Variants in ZC3H7A observed in about 807,000 individuals in gnomAD.
ZC3H7A encodes zinc finger CCCH-type containing 7A.
In ZC3H7A, 44 loss-of-function variants were observed where a neutral mutation model predicts 125.5. That is an observed-to-expected ratio of 0.35 (90% CI 0.28 to 0.45). The LOEUF (loss-of-function observed/expected upper bound fraction) is 0.45, where lower values mean the gene tolerates loss of function less well. Ranked by LOEUF, ZC3H7A falls within the 20% of genes least tolerant of loss-of-function variation. The pLI, the probability that ZC3H7A is intolerant of heterozygous loss-of-function variation, is 1.00. For synonymous variants in ZC3H7A, 399 were observed against 391.2 expected, an observed-to-expected ratio of 1.02 and a Z score of -0.23; for missense variants, 977 against 1,170.7, an observed-to-expected ratio of 0.83 and a Z score of 2.41.
intron 15 of ZC3H7A, among the ~76,000 whole-genome samples, chr16:11,763,917 CCT>C (rs1367543789): frequency 6.6e-6 from 1 of 150,730 alleles, no homozygotes; most frequent in African/African-American, 2.4e-5. Flanking sequence ...CATTCTCCTG[CCT>C]CAGCCTCCTA....
At chr16:11,769,710 CAAAAA>C (rs529124830) in intron 10 of ZC3H7A, among the ~76,000 whole-genome samples, 9 of 32,558 alleles carry the variant, frequency 2.8e-4, no homozygotes, top group African/African-American at 1.5e-3. Context: ...GACTCTGTCT[CAAAAA>C]AAAAAAAAAA....
In ZC3H7A at chr16:11,751,282, G is replaced by T. The variant is rs1420236869; in HGVS notation, c.*35C>A. ...AACACTTTCAATTTTTCTGGTCAAT[G>T]CTCTGATTAGGTATCATACATAAAA... On this transcript the variant is annotated 3_prime_UTR_variant, in exon 23 of 23. Transcript: ENST00000355758. 1 of 1,571,118 alleles carries T rather than the reference G, an allele frequency of 6.4e-7. No homozygotes were observed. Among genetic ancestry groups the T allele is most frequent in the Non-Finnish European group, 8.6e-7 (1 of 1,157,832 alleles).
chr16:11,761,295 T>C (rs1463605514), intron 19 of ZC3H7A, 111 bp downstream of exon 19: 3 of 1,023,938 alleles, frequency 2.9e-6, no homozygotes, highest in East Asian at 2.4e-5. Flanking sequence ...AATAGCATTA[T>C]TACTGACGAA....
intron 1 of ZC3H7A, among the ~76,000 whole-genome samples, chr16:11,790,434 A>G (rs1174790019): frequency 6.6e-6 from 1 of 152,104 alleles, no homozygotes; most frequent in Non-Finnish European, 1.5e-5. Context: ...AGCTCTTTAT[A>G]TGTTGAGGAA....
At chr16:11,764,155 G>C (rs1317779496) in intron 15 of ZC3H7A, among the ~76,000 whole-genome samples, 2 of 152,164 alleles carry the variant, frequency 1.3e-5, no homozygotes, top group Non-Finnish European at 2.9e-5. Flanking sequence ...GCTCACACCT[G>C]TAATCTCAGC....
Position 11,782,434 on chromosome 16 carries a change from TGGACTCCA to T in ZC3H7A, c.-34-54_-34-47del. 5 of 1,515,852 alleles carry T rather than the reference TGGACTCCA, an allele frequency of 3.3e-6. No individual in the cohort carries two copies. The Admixed American group carries it at 8.4e-5, about 25-fold the overall frequency. 93.9% of individuals were successfully genotyped at this position (1,515,852 alleles called of 1,614,324 possible). A position where few individuals can be genotyped will look rare whatever the true frequency, so the allele number is the denominator to read the frequency against. On this transcript the variant is annotated intron_variant, in intron 1 of 22. Transcript: ENST00000355758. Reference sequence around the variant, plus strand: ...AAAGCACATAAGGTACCAGGGTCCCTGGACTCCAATGAAAACACCCACAAATCCAGACC... The same window carrying T: ...AAAGCACATAAGGTACCAGGGTCCCTATGAAAACACCCACAAATCCAGACC...
At chr16:11,776,588 G>C in intron 5 of ZC3H7A, 56 bp from the exon 6 acceptor site, 1 of 1,531,416 alleles carries the variant, frequency 6.5e-7, no homozygotes, top group Non-Finnish European at 8.8e-7. Flanking sequence ...TGGTGAAGAA[G>C]AATAGACAAA....
intron 3 of ZC3H7A, 136 bp from the exon 4 acceptor site, chr16:11,779,499 T>C (rs935770939): frequency 9.4e-6 from 7 of 748,658 alleles, no homozygotes; most frequent in Middle Eastern, 3.9e-4. Context: ...AATTGTGAGA[T>C]GCAGCCCAAG....
chr16:11,785,908 C>T (rs935935467), intron 1 of ZC3H7A, among the ~76,000 whole-genome samples: 9 of 152,148 alleles, frequency 5.9e-5, no homozygotes, highest in Admixed American at 3.9e-4. Flanking sequence ...CGTGAGCCAC[C>T]GCGCCTGGCC....
At chr16:11,762,136 T>C in intron 17 of ZC3H7A, 93 bp from the exon 18 acceptor site, 5 of 1,282,404 alleles carry the variant, frequency 3.9e-6, no homozygotes, top group Non-Finnish European at 5.2e-6. Context: ...TTTTTCACAA[T>C]AGTATACAAT....
intron 22 of ZC3H7A, among the ~76,000 whole-genome samples, chr16:11,751,938 G>A (rs1344607029): frequency 1.6e-5 from 2 of 128,600 alleles, no homozygotes; most frequent in African/African-American, 5.8e-5. Context: ...GAGTCTCACT[G>A]TTTGTTGCCC....
At chr16:11,764,887 C>T (rs2052828410) in intron 15 of ZC3H7A, 166 bp downstream of exon 15, 5 of 499,172 alleles carry the variant, frequency 1.0e-5, no homozygotes, top group Non-Finnish European at 1.7e-5. Context: ...TATTCACTTT[C>T]CAGCCAAATC....
chr16:11,785,371 T>C, intron 1 of ZC3H7A, among the ~76,000 whole-genome samples: 1 of 150,690 alleles, frequency 6.6e-6, no homozygotes, highest in Admixed American at 6.6e-5. Context: ...CCGGGTGTGG[T>C]GGTGCGTACC....
chr16:11,754,538 A>G (rs1343884820), intron 21 of ZC3H7A, among the ~76,000 whole-genome samples: 1 of 152,012 alleles, frequency 6.6e-6, no homozygotes, highest in African/African-American at 2.4e-5. Flanking sequence ...AAATAAGGGC[A>G]GTAACACATA....
At chr16:11,789,255 ATGTT>A (rs892955289) in intron 1 of ZC3H7A, among the ~76,000 whole-genome samples, 3 of 151,904 alleles carry the variant, frequency 2.0e-5, no homozygotes, top group African/African-American at 7.3e-5. Flanking sequence ...TTCTGTGTAT[ATGTT>A]TGTTTGTTTT....
chr16:11,782,059 G>C (rs1436606198), intron 2 of ZC3H7A, among the ~76,000 whole-genome samples: 1 of 152,092 alleles, frequency 6.6e-6, no homozygotes, highest in Non-Finnish European at 1.5e-5. Context: ...AACGTTTTGG[G>C]GGAGACTAAC....
chr16:11,775,984 A>G (rs942210683), intron 7 of ZC3H7A, among the ~76,000 whole-genome samples: 2 of 152,084 alleles, frequency 1.3e-5, no homozygotes, highest in Non-Finnish European at 2.9e-5. Flanking sequence ...ACATGGTGAA[A>G]CCCCATCGCT....
intron 21 of ZC3H7A, 132 bp downstream of exon 21, chr16:11,756,105 G>C (rs1567372030): frequency 7.6e-7 from 1 of 1,312,080 alleles, no homozygotes; most frequent in East Asian, 2.4e-5. Flanking sequence ...GGAGGTTGCA[G>C]TGAGCTGAAA....
At position 11,760,139 on chromosome 16, in the gene ZC3H7A, A is replaced by G. The variant is rs7201302; in HGVS notation, c.2319+1267T>C. Among the ~76,000 whole-genome samples, 1,029 of 149,800 alleles carry G rather than the reference A, an allele frequency of 6.9e-3. 10 individuals carry two copies. The highest frequency in any genetic ancestry group is 0.023 in the African/African-American group (941 of 40,710). On this transcript the variant is annotated intron_variant, in intron 19 of 22. Coordinates refer to ENST00000355758, the MANE Select transcript of ZC3H7A (RefSeq NM_014153.4). ...GAAAAAATGAAAAAAAAAAAAAAAA[A>G]AAAAAAGAAAAAAAGTCCCTTAGCA... is the stretch of plus-strand genomic sequence containing the variant.
Sources: allele counts gnomAD v4.1 joint callset (sites outside exome capture counted in the v4.1 genomes callset), GRCh38; gene constraint gnomAD v4.1.1; transcripts MANE v1.5; gene names NCBI Gene and HGNC (gene_info 2026-07-23, HGNC 2026-07-21).